The following CCDC88C variants were observed in gnomAD, a reference collection of about 807,000 sequenced individuals.
CCDC88C encodes protein Daple.
In CCDC88C, 131 loss-of-function variants were observed where a neutral mutation model predicts 198.8. The ratio of observed to expected loss-of-function variants is 0.66; its 90% confidence interval spans 0.57 to 0.76. The LOEUF (loss-of-function observed/expected upper bound fraction) is 0.76, where lower values mean the gene tolerates loss of function less well. CCDC88C is among the 30% of genes least tolerant of loss of function. The pLI is 0.00. For missense variants in CCDC88C, 2,553 were observed against 2,631.6 expected (o/e 0.97, Z 0.65); for synonymous variants, 1,166 against 1,114.7 (o/e 1.05, Z -0.92).
intron 3 of CCDC88C, among the ~76,000 whole-genome samples, chr14:91,386,674 G>A (rs1348368259): frequency 6.6e-6 from 1 of 152,238 alleles, no homozygotes; most frequent in Non-Finnish European, 1.5e-5. Context: ...CCACCTTTTA[G>A]ACTTTCCACC....
chr14:91,277,499 AAC>A (rs1252351813), intron 29 of CCDC88C, among the ~76,000 whole-genome samples: 1 of 152,196 alleles, frequency 6.6e-6, no homozygotes, highest in African/African-American at 2.4e-5. Flanking sequence ...GAGTAGCTAC[AAC>A]AGAGACTGTG....
chr14:91,385,701 C>T (rs188303748), intron 3 of CCDC88C, among the ~76,000 whole-genome samples: 33 of 152,192 alleles, frequency 2.2e-4, no homozygotes, highest in African/African-American at 7.5e-4. Context: ...TGGTGGCTCA[C>T]ACCTGTAATC....
chr14:91,351,161 G>T (rs892460437), intron 4 of CCDC88C, among the ~76,000 whole-genome samples: 1 of 152,144 alleles, frequency 6.6e-6, no homozygotes, highest in Non-Finnish European at 1.5e-5. Context: ...TCTCTTCTAC[G>T]GCACGTATGT....
In CCDC88C at chr14:91,342,473, G is replaced by A. The variant is rs1311905828; in HGVS notation, c.400-10C>T. ...CCTCTTTCCTCTCACACTGCGGAGG[G>A]TTACATGTGTTAATGGAAGCGCTGT... On this transcript the variant is annotated splice_polypyrimidine_tract_variant and intron_variant, in intron 5 of 29. Coordinates refer to ENST00000389857, the MANE Select transcript of CCDC88C (RefSeq NM_001080414.4). 1.8e-5 allele frequency: 27 copies of A among 1,541,890 alleles called. No individual in the cohort carries two copies. The highest frequency in any genetic ancestry group is 2.7e-5 in the African/African-American group (2 of 73,448).
intron 12 of CCDC88C, among the ~76,000 whole-genome samples, chr14:91,323,091 A>G (rs1291179065): frequency 1.3e-5 from 2 of 152,020 alleles, no homozygotes; most frequent in Non-Finnish European, 2.9e-5. Context: ...CTTTTAGTAG[A>G]GGCGGGGTTT....
Position 91,281,451 on chromosome 14 carries a change from A to G in CCDC88C, c.4699+6T>C. On this transcript the variant is annotated splice_donor_region_variant and intron_variant, in intron 27 of 29. Coordinates refer to ENST00000389857, the MANE Select transcript of CCDC88C (RefSeq NM_001080414.4). ...GGCTGGAGGACACAGCACCCTCCCT[A>G]CTCACCGTACTGCCTGTGGTTGGGG... The G allele has an allele frequency of 6.2e-7, 1 of 1,613,770 alleles. No individual in the cohort carries two copies. The highest frequency in any genetic ancestry group is 8.5e-7 in the Non-Finnish European group (1 of 1,179,748).
chr14:91,415,154 G>A (rs535182643), intron 2 of CCDC88C, among the ~76,000 whole-genome samples: 3 of 152,196 alleles, frequency 2.0e-5, no homozygotes, highest in Non-Finnish European at 2.9e-5. Flanking sequence ...CGGTCATTGC[G>A]CCAATGGAAT....
intron 3 of CCDC88C, among the ~76,000 whole-genome samples, chr14:91,365,840 C>T (rs138467001): frequency 2.7e-4 from 41 of 152,216 alleles, no homozygotes; most frequent in Non-Finnish European, 5.0e-4. Flanking sequence ...TGCAAATTAA[C>T]GCTGGGGAAC....
At chr14:91,301,325 G>A (rs879535799) in intron 20 of CCDC88C, among the ~76,000 whole-genome samples, 6 of 152,164 alleles carry the variant, frequency 3.9e-5, no homozygotes, top group Non-Finnish European at 8.8e-5. Flanking sequence ...AAAAAGCACT[G>A]AGTAACTACC....
At chr14:91,282,880 G>A (rs1890253378) in intron 26 of CCDC88C, among the ~76,000 whole-genome samples, 1 of 152,162 alleles carries the variant, frequency 6.6e-6, no homozygotes, top group Non-Finnish European at 1.5e-5. Flanking sequence ...TGGGCAACAT[G>A]ATGAGACCAC....
chr14:91,360,907 T>C (rs1894277076), intron 3 of CCDC88C, among the ~76,000 whole-genome samples: 2 of 152,014 alleles, frequency 1.3e-5, no homozygotes, highest in Non-Finnish European at 2.9e-5. Context: ...TCCCAGCACT[T>C]TGAGAGGCTG....
At chr14:91,392,731 C>CCCCCTCACTCTCACCGCG (rs1567118347) in intron 3 of CCDC88C, among the ~76,000 whole-genome samples, 3 of 149,662 alleles carry the variant, frequency 2.0e-5, no homozygotes, top group African/African-American at 7.6e-5. Flanking sequence ...CCTCACTGAG[C>CCCCCTCACTCTCACCGCG]CCCCTCACTC....
At chr14:91,298,372 CA>C (rs528160354) in intron 21 of CCDC88C, among the ~76,000 whole-genome samples, 40 of 144,524 alleles carry the variant, frequency 2.8e-4, no homozygotes, top group Non-Finnish European at 2.9e-4. Context: ...GACTCCGTCT[CA>C]AAAAAAAAAA....
chr14:91,351,290 G>A, intron 4 of CCDC88C, among the ~76,000 whole-genome samples: 1 of 152,172 alleles, frequency 6.6e-6, no homozygotes, highest in East Asian at 1.9e-4. Context: ...TCACGAGGCT[G>A]TCACAGTGAT....
At chr14:91,373,798 G>A (rs1894947234) in intron 3 of CCDC88C, among the ~76,000 whole-genome samples, 1 of 152,222 alleles carries the variant, frequency 6.6e-6, no homozygotes, top group South Asian at 2.1e-4. Context: ...AGCTGTCCAA[G>A]TTGGGGGGTG....
chr14:91,355,255 C>T (rs1028341439), intron 4 of CCDC88C, among the ~76,000 whole-genome samples: 10 of 152,030 alleles, frequency 6.6e-5, no homozygotes, highest in Non-Finnish European at 1.3e-4. Flanking sequence ...GGACACCAGG[C>T]GACAGCGCAG....
chr14:91,307,070 C>T lies in CCDC88C; in HGVS notation c.3163G>A (p.Val1055Met). The change falls in exon 18 of 30, where the codon GTG becomes ATG. Residue 1055 changes from valine (V) to methionine (M), a missense_variant. This residue lies in a region of CCDC88C where 1,260 missense variants were observed against 1,412.0 expected (regional missense o/e 0.89). Coordinates refer to ENST00000389857, the MANE Select transcript of CCDC88C (RefSeq NM_001080414.4). ...TCCAGCTCGATGGCCCGGTCCTTCA[C>T]TCGGAGAAGCTCCATGGTGGCTTCC... is the stretch of plus-strand genomic sequence containing the variant. ...HKEATMELLRVKDRAIELERN... is the reference protein window; with the variant it reads ...HKEATMELLRMKDRAIELERN... 6.2e-7 allele frequency: 1 copy of T among 1,613,596 alleles called. No individual in the cohort carries two copies. The highest frequency in any genetic ancestry group is 1.3e-5 in the African/African-American group (1 of 75,042).
chr14:91,352,640 T>C lies in CCDC88C; in HGVS notation c.340+7002A>G, dbSNP rs1297530550. Among the ~76,000 whole-genome samples, 1 of 152,166 alleles carries C rather than the reference T, an allele frequency of 6.6e-6. No individual in the cohort carries two copies. The highest frequency in any genetic ancestry group is 2.4e-5 in the African/African-American group (1 of 41,418). The stretch of plus-strand genomic sequence containing the variant: ...GTTTTGCAAATATGAAAATTATATA[T>C]ATATACACACACACATATACACTTA... On this transcript the variant is annotated intron_variant, in intron 4 of 29. Coordinates refer to ENST00000389857, the MANE Select transcript of CCDC88C (RefSeq NM_001080414.4). This position sits in a 1 kb window ranked among gnomAD's most constrained non-coding sequence, Gnocchi z 4.2.
At position 91,416,803 on chromosome 14, in the gene CCDC88C, C is replaced by G; in HGVS notation, c.96G>C (p.Gln32His). ...KTFGPFGSGS[Q>H]DNLTMYMDLV... ...AATCCATGTACATAGTCAGGTTGTC[C>G]TGGCTGCCGCTTCCAAACGGGCCAA... The change falls in exon 2 of 30, where the codon CAG (glutamine) becomes CAC (histidine). Residue 32 changes from glutamine to histidine, a missense_variant. Gln to His is a conservative substitution (Grantham distance 24). Transcript: ENST00000389857. The G allele has an allele frequency of 6.2e-7, 1 of 1,613,656 alleles. No individual in the cohort carries two copies. The highest frequency in any genetic ancestry group is 1.1e-5 in the South Asian group (1 of 91,008).
Sources: allele counts gnomAD v4.1 joint callset (sites outside exome capture counted in the v4.1 genomes callset), GRCh38; gene constraint gnomAD v4.1.1; regional missense constraint gnomAD v4.1.1; non-coding constraint Gnocchi (gnomAD v3.1); transcripts MANE v1.5; gene names NCBI Gene and HGNC (gene_info 2026-07-23, HGNC 2026-07-21).